COPS8: variants seen among roughly 807,000 people sequenced by gnomAD.
The protein encoded by COPS8 is COP9 signalosome complex subunit 8.
Under a neutral mutation model 31.5 loss-of-function variants are expected in COPS8, and 11 were observed. That is an observed-to-expected ratio of 0.35 (90% CI 0.22 to 0.58). The LOEUF (loss-of-function observed/expected upper bound fraction) is 0.58, where lower values mean the gene tolerates loss of function less well. Ranked by LOEUF, COPS8 falls within the 20% of genes least tolerant of loss-of-function variation. The pLI, the probability that COPS8 is intolerant of heterozygous loss-of-function variation, is 0.83. For missense variants in COPS8, 215 were observed against 255.1 expected, an observed-to-expected ratio of 0.84 and a Z score of 1.07; for synonymous variants, 81 against 89.3, an observed-to-expected ratio of 0.91 and a Z score of 0.52.
chr2:237,091,306 C>T (rs1464723879), intron 4 of COPS8, among the ~76,000 whole-genome samples: 1 of 152,216 alleles, frequency 6.6e-6, no homozygotes, highest in African/African-American at 2.4e-5. Flanking sequence ...AATTCTGATT[C>T]TGTCACTTAC....
rs13427529 is a variant in COPS8 at position 237,090,861 on chromosome 2, A to G, written c.331+867A>G. Among the ~76,000 whole-genome samples the G allele has an allele frequency of 4.8e-3, 736 of 152,350 alleles. 6 individuals carry two copies. Among genetic ancestry groups the G allele is most frequent in the African/African-American group, 0.017 (692 of 41,580 alleles). ...TACTTTAAATGTGAATGAAATGAGCAGAGTCCTAAGGCAGGCAGATAGATG... is the reference window on the plus strand; with the variant it reads ...TACTTTAAATGTGAATGAAATGAGCGGAGTCCTAAGGCAGGCAGATAGATG... On this transcript the variant is annotated intron_variant, in intron 4 of 7. Coordinates refer to ENST00000354371, the MANE Select transcript of COPS8 (RefSeq NM_006710.5).
intron 7 of COPS8, among the ~76,000 whole-genome samples, chr2:237,097,411 A>G (rs1007004573): frequency 2.0e-5 from 3 of 152,160 alleles, no homozygotes; most frequent in Admixed American, 6.5e-5. Context: ...AGAATACTTC[A>G]GTAACAACAA....
At position 237,087,162 on chromosome 2, in the gene COPS8, T is replaced by G; in HGVS notation, c.114T>G (p.Gly38=). Residue 38 remains glycine (G), a synonymous_variant, in exon 2 of 8, where the codon GGT becomes GGG. Transcript: ENST00000354371. ...PGGIATPPVY[G]QLLALYLLHN... Reference sequence around the variant, plus strand: ...GAATTGCTACACCCCCAGTGTATGGTCAGCTTCTAGCTTTATATTTGCTCC... The same window carrying G: ...GAATTGCTACACCCCCAGTGTATGGGCAGCTTCTAGCTTTATATTTGCTCC... 1 of 1,609,484 alleles carries G rather than the reference T, an allele frequency of 6.2e-7. No homozygotes were observed. Among genetic ancestry groups the G allele is most frequent in the Non-Finnish European group, 8.5e-7 (1 of 1,178,306 alleles).
At chr2:237,095,312 A>T (rs915106675) in intron 5 of COPS8, among the ~76,000 whole-genome samples, 1 of 152,074 alleles carries the variant, frequency 6.6e-6, no homozygotes, top group Non-Finnish European at 1.5e-5. Flanking sequence ...AATCACTTGA[A>T]TTTCCCTCAA....
At chr2:237,097,583 T>G in intron 7 of COPS8, 80 bp from the exon 8 acceptor site, 6 of 907,346 alleles carry the variant, frequency 6.6e-6, no homozygotes, top group South Asian at 1.5e-5. Context: ...ATTGAAGGCA[T>G]TAGGGGAGGT....
chr2:237,095,741 C>T (rs1178634439), intron 5 of COPS8, 81 bp from the exon 6 acceptor site: 1 of 912,680 alleles, frequency 1.1e-6, no homozygotes, highest in Non-Finnish European at 1.8e-6. Context: ...GTCTTCTGTA[C>T]AACTAATGTC....
chr2:237,090,859 G>A (rs1055173688), intron 4 of COPS8, among the ~76,000 whole-genome samples: 9 of 152,220 alleles, frequency 5.9e-5, no homozygotes, highest in African/African-American at 1.9e-4. Flanking sequence ...AATGAAATGA[G>A]CAGAGTCCTA....
At chr2:237,087,975 C>G (rs1223266350) in intron 2 of COPS8, among the ~76,000 whole-genome samples, 1 of 151,002 alleles carries the variant, frequency 6.6e-6, no homozygotes. Flanking sequence ...AAAAAGTCTC[C>G]TATAGTTCTG....
rs369628969 is a variant in COPS8, at chr2:237,085,948, C to T, written c.-17C>T. On this transcript the variant is annotated 5_prime_UTR_variant, in exon 1 of 8. Coordinates refer to ENST00000354371, the MANE Select transcript of COPS8 (RefSeq NM_006710.5). ...TTTGGCTGTCCGGACGGTGCAGCGG[C>T]GAGGCCGGCCGCGAAGATGCCAGTG... The T allele has an allele frequency of 3.4e-5, 54 of 1,610,136 alleles. 1 individual carries two copies. The South Asian group carries it at 4.8e-4, about 14-fold the overall frequency.
Position 237,097,915 on chromosome 2 carries a change from G to A in COPS8, c.*173G>A, listed in dbSNP as rs918877419. 1.6e-5 allele frequency: 8 copies of A among 492,140 alleles called. No homozygotes were observed. The highest frequency in any genetic ancestry group is 8.4e-5 in the South Asian group (3 of 35,866). The allele number at this position is 492,140 out of a possible 1,614,324, so 30.5% of individuals were successfully genotyped here. On this transcript the variant is annotated 3_prime_UTR_variant, in exon 8 of 8. Coordinates refer to ENST00000354371, the MANE Select transcript of COPS8 (RefSeq NM_006710.5). ...TACTATATACATTTTGTCCATAAAC[G>A]TTATGCTGAATAGTTGTTGAAACAG...
intron 5 of COPS8, among the ~76,000 whole-genome samples, chr2:237,095,107 G>A (rs1696775686): frequency 1.3e-5 from 2 of 152,154 alleles, no homozygotes. Flanking sequence ...GATACATGAA[G>A]ATAGGTTAAT....
chr2:237,086,712 A>G, intron 1 of COPS8: 1 of 885,858 alleles, frequency 1.1e-6, no homozygotes, highest in Non-Finnish European at 1.4e-6. Context: ...AGCTGTGGTG[A>G]TTTTCTGTCT....
In COPS8 at chr2:237,091,909, G is replaced by C. The variant is rs1333129420; in HGVS notation, c.331+1915G>C. On this transcript the variant is annotated intron_variant, in intron 4 of 7. Transcript: ENST00000354371. ...CCTTCCCAGCCTCTGACCTGATAGA[G>C]CCCCAATTCGCCAAAGCAAGAGAGC... is the stretch of plus-strand genomic sequence containing the variant. 2.0e-5 allele frequency among the ~76,000 whole-genome samples: 3 copies of C among 152,194 alleles called. No individual in the cohort carries two copies. In the East Asian group the frequency reaches 5.8e-4, roughly 29 times the overall value.
chr2:237,095,935 C>T (rs748212244), intron 6 of COPS8, 51 bp downstream of exon 6: 1 of 1,273,980 alleles, frequency 7.8e-7, no homozygotes, highest in Non-Finnish European at 1.1e-6. Flanking sequence ...TCTAAGACTG[C>T]TTCAGGTTTT....
intron 5 of COPS8, 40 bp from the exon 6 acceptor site, chr2:237,095,782 T>C (rs372043024): frequency 2.1e-6 from 3 of 1,416,600 alleles, no homozygotes; most frequent in Non-Finnish European, 3.0e-6. Context: ...GTGGGGTGTT[T>C]TATTCTTTCC....
At chr2:237,096,105 T>C (rs188159426) in intron 6 of COPS8, among the ~76,000 whole-genome samples, 2 of 152,348 alleles carry the variant, frequency 1.3e-5, no homozygotes, top group Non-Finnish European at 2.9e-5. Flanking sequence ...ACGTAGGTTT[T>C]TCATGGTCCT....
intron 2 of COPS8, chr2:237,087,408 A>G (rs111610056): frequency 2.1e-5 from 11 of 528,908 alleles, no homozygotes; most frequent in African/African-American, 1.6e-4. Flanking sequence ...AAAACATTTC[A>G]ATTTATTATG....
intron 1 of COPS8, 136 bp downstream of exon 1, chr2:237,086,178 G>A: frequency 1.2e-6 from 1 of 839,614 alleles, no homozygotes; most frequent in Non-Finnish European, 1.9e-6. Context: ...GTGGACGTGT[G>A]GATCCCTGAC....
chr2:237,096,890 A>AT (rs1169166508), intron 7 of COPS8, 21 bp downstream of exon 7: 14 of 1,541,520 alleles, frequency 9.1e-6, no homozygotes, highest in East Asian at 4.5e-5. Context: ...TCATATGCAC[A>AT]TTTTTTAATG....
Sources: gnomAD v4.1 joint callset for allele counts (sites outside exome capture counted in the v4.1 genomes callset) on GRCh38, gnomAD v4.1.1 for gene constraint, MANE v1.5 for transcripts, NCBI Gene and HGNC (gene_info 2026-07-23, HGNC 2026-07-21) for gene names.